Variants in HMGXB4 observed in about 807,000 individuals in gnomAD.
HMGXB4 encodes HMG-box containing 4.
HMGXB4 carries 27 observed loss-of-function variants against 63.9 expected under a neutral mutation model. That is an observed-to-expected ratio of 0.42 (90% CI 0.31 to 0.58). The LOEUF (loss-of-function observed/expected upper bound fraction) is 0.58. HMGXB4 is among the 20% of genes least tolerant of loss of function. The pLI is 0.13. For missense variants in HMGXB4, 624 were observed against 700.7 expected (o/e 0.89, Z 1.24); for synonymous variants, 264 against 265.3 (o/e 0.99, Z 0.05).
rs1300991129 is a variant in HMGXB4 at position 35,295,224 on chromosome 22, TC to T, written c.*1577del. Reference sequence around the variant, plus strand: ...GCATCCTATTTAATTTCTTCCCTTCTCCCCACCAGTGTTGTCACAGGGCTAT... The same window carrying T: ...GCATCCTATTTAATTTCTTCCCTTCTCCCACCAGTGTTGTCACAGGGCTAT... On this transcript the variant is annotated 3_prime_UTR_variant, in exon 11 of 11. Coordinates refer to ENST00000216106, the MANE Select transcript of HMGXB4 (RefSeq NM_001003681.3). The T allele has an allele frequency of 2.0e-5, 3 of 152,336 alleles. No homozygotes were observed. The highest frequency in any genetic ancestry group is 7.2e-5 in the African/African-American group (3 of 41,566). 9.4% of individuals were successfully genotyped at this position (152,336 alleles called of 1,614,324 possible). A position where few individuals can be genotyped will look rare whatever the true frequency, so the allele number is the denominator to read the frequency against.
chr22:35,262,456 G>A (rs1392387978), intron 2 of HMGXB4, 35 bp downstream of exon 2: 1 of 1,600,610 alleles, frequency 6.2e-7, no homozygotes, highest in Non-Finnish European at 8.6e-7. Flanking sequence ...ATTCCAAAGG[G>A]GGTATCCTCT....
At chr22:35,245,089 G>T in the HMGXB4 span, among the ~76,000 whole-genome samples, 3 of 152,072 alleles carry the variant, frequency 2.0e-5, no homozygotes, top group African/African-American at 2.4e-5. Context: ...GGCCAGGCTG[G>T]TCTCAAACTC....
intron 5 of HMGXB4, among the ~76,000 whole-genome samples, chr22:35,267,543 G>A (rs1328091816): frequency 6.6e-6 from 1 of 152,156 alleles, no homozygotes; most frequent in Non-Finnish European, 1.5e-5. Context: ...AACTCTACTT[G>A]TGCAATTCCA....
In HMGXB4 at chr22:35,264,913, C is replaced by G; in HGVS notation, c.525C>G (p.Leu175=). The G allele has an allele frequency of 6.2e-7, 1 of 1,614,114 alleles. No homozygotes were observed. The highest frequency in any genetic ancestry group is 8.5e-7 in the Non-Finnish European group (1 of 1,180,018). ...ACAAATCGAAAAAAATGAAACCTCT[C>G]TATGTGAACACAGAGACACTGACCC... ...GSHKSKKMKP[L]YVNTETLTLR... The change falls in exon 5 of 11, where the codon CTC becomes CTG. Residue 175 remains leucine (L), a synonymous_variant. Transcript: ENST00000216106.
At chr22:35,288,785 C>G (rs922780506) in intron 9 of HMGXB4, among the ~76,000 whole-genome samples, 1 of 152,112 alleles carries the variant, frequency 6.6e-6, no homozygotes, top group Non-Finnish European at 1.5e-5. Context: ...GAGTTCGAGA[C>G]TAGCCTGGTC....
At chr22:35,280,302 T>G (rs184826718) in intron 5 of HMGXB4, among the ~76,000 whole-genome samples, 2 of 152,326 alleles carry the variant, frequency 1.3e-5, no homozygotes, top group African/African-American at 4.8e-5. Flanking sequence ...AATTCCCACC[T>G]TTGAGTTAAA....
rs186710496 is a variant in HMGXB4 at position 35,270,339 on chromosome 22, C to G, written c.1215+4736C>G. Among the ~76,000 whole-genome samples the G allele has an allele frequency of 6.0e-4, 92 of 152,334 alleles. 1 individual carries two copies. Among genetic ancestry groups the G allele is most frequent in the Non-Finnish European group, 2.1e-4 (14 of 68,030 alleles). ...ATGATCTGTCACTGTCTCCCATCAC[C>G]CCCAGATGGGACCATCTAGTTGGAA... is the stretch of plus-strand genomic sequence containing the variant. On this transcript the variant is annotated intron_variant, in intron 5 of 10. Transcript: ENST00000216106.
At chr22:35,277,434 C>T (rs1302625959) in intron 5 of HMGXB4, among the ~76,000 whole-genome samples, 1 of 152,158 alleles carries the variant, frequency 6.6e-6, no homozygotes, top group Non-Finnish European at 1.5e-5. Flanking sequence ...CTGCAACCTC[C>T]GCCTTCCAGG....
At chr22:35,256,054 AAGAAAC>A (rs1922386115), upstream of HMGXB4, among the ~76,000 whole-genome samples, 1 of 152,240 alleles carries the variant, frequency 6.6e-6, no homozygotes, top group Admixed American at 6.5e-5. Flanking sequence ...TCACAGTTGT[AAGAAAC>A]AGAATCAATC....
At chr22:35,276,702 A>G (rs1379072108) in intron 5 of HMGXB4, among the ~76,000 whole-genome samples, 1 of 152,188 alleles carries the variant, frequency 6.6e-6, no homozygotes, top group Non-Finnish European at 1.5e-5. Context: ...TTAGGAGATA[A>G]AAAGCTGATA....
At chr22:35,267,125 T>C (rs996369297) in intron 5 of HMGXB4, among the ~76,000 whole-genome samples, 1 of 144,402 alleles carries the variant, frequency 6.9e-6, no homozygotes, top group African/African-American at 2.5e-5. Context: ...GATCTATATC[T>C]GTTTATCAGT....
upstream of HMGXB4, among the ~76,000 whole-genome samples, chr22:35,255,566 T>C (rs932342934): frequency 1.3e-5 from 2 of 152,164 alleles, no homozygotes; most frequent in South Asian, 2.1e-4. Context: ...GCAGGAAAGA[T>C]GATGAAGCTT....
chr22:35,266,590 A>G (rs767866245), intron 5 of HMGXB4, among the ~76,000 whole-genome samples: 8 of 152,232 alleles, frequency 5.3e-5, no homozygotes, highest in East Asian at 1.9e-4. Context: ...TCTCATAACT[A>G]TGTCATTAAA....
rs1280095825 is a variant in HMGXB4 at position 35,265,615 on chromosome 22, T to C, written c.1215+12T>C. The stretch of plus-strand genomic sequence containing the variant: ...AGAGAGGAGAAAAGGTAAAGCATCT[T>C]TTAAGTGTGGTGGGGGTAAGAGATT... On this transcript the variant is annotated intron_variant, in intron 5 of 10. Coordinates refer to ENST00000216106, the MANE Select transcript of HMGXB4 (RefSeq NM_001003681.3). 2 of 1,543,660 alleles carry C rather than the reference T, an allele frequency of 1.3e-6. No homozygotes were observed. Among genetic ancestry groups the C allele is most frequent in the Non-Finnish European group, 8.7e-7 (1 of 1,148,006 alleles).
Position 35,287,462 on chromosome 22 carries a change from A to T in HMGXB4, c.1468+10A>T. The T allele has an allele frequency of 1.3e-6, 2 of 1,581,324 alleles. No homozygotes were observed. Among genetic ancestry groups the T allele is most frequent in the South Asian group, 2.2e-5 (2 of 89,804 alleles). On this transcript the variant is annotated intron_variant, in intron 8 of 10. Transcript: ENST00000216106. ...TCCATGAAAGTCAAAGGTAGTGACCACATCCCGCCCCTGCTTTTCTCTAAA... is the reference window on the plus strand; with the variant it reads ...TCCATGAAAGTCAAAGGTAGTGACCTCATCCCGCCCCTGCTTTTCTCTAAA...
chr22:35,270,325 C>G (rs938813670), intron 5 of HMGXB4, among the ~76,000 whole-genome samples: 1 of 152,226 alleles, frequency 6.6e-6, no homozygotes, highest in African/African-American at 2.4e-5. Flanking sequence ...TGATCTGTCA[C>G]TGTCTCCCAT....
At position 35,264,709 on chromosome 22, in the gene HMGXB4, T is replaced by C. The variant is rs764849057; in HGVS notation, c.321T>C (p.Asp107=). The change falls in exon 5 of 11, where the codon GAT becomes GAC. Residue 107 remains aspartate, a synonymous_variant. Transcript: ENST00000216106. ...AAAAGTCCAGCCCACAGTCTACTGA[T>C]ACAGCTATGGACCTGTTGAAAGCTA... ...KKKKSSPQST[D]TAMDLLKAIT... 3 of 1,610,490 alleles carry C rather than the reference T, an allele frequency of 1.9e-6. No homozygotes were observed. The highest frequency in any genetic ancestry group is 2.7e-5 in the African/African-American group (2 of 74,680).
chr22:35,280,346 G>C (rs1178225423), intron 5 of HMGXB4, among the ~76,000 whole-genome samples: 1 of 152,190 alleles, frequency 6.6e-6, no homozygotes, highest in Non-Finnish European at 1.5e-5. Flanking sequence ...GAAACGAAAT[G>C]TCAGGAAAAT....
the HMGXB4 span, among the ~76,000 whole-genome samples, chr22:35,245,789 C>A: frequency 6.6e-6 from 1 of 152,174 alleles, no homozygotes; most frequent in Non-Finnish European, 1.5e-5. Flanking sequence ...GGGGGTTCCT[C>A]ATTACTGCTG....
Sources: allele counts gnomAD v4.1 joint callset (sites outside exome capture counted in the v4.1 genomes callset), GRCh38; gene constraint gnomAD v4.1.1; transcripts MANE v1.5; gene names NCBI Gene and HGNC (gene_info 2026-07-23, HGNC 2026-07-21).